Variants in PRKAG2 observed in about 807,000 individuals in gnomAD.
The protein encoded by PRKAG2 is 5'-AMP-activated protein kinase subunit gamma-2.
PRKAG2 carries 26 observed loss-of-function variants against 69.6 expected under a neutral mutation model. That is an observed-to-expected ratio of 0.37 (90% CI 0.27 to 0.52). PRKAG2 has a LOEUF of 0.52. PRKAG2 is among the 20% of genes least tolerant of loss of function. PRKAG2 has a pLI of 0.90. For missense variants in PRKAG2, 557 were observed against 740.0 expected (o/e 0.75, Z 2.87); for synonymous variants, 293 against 285.0 (o/e 1.03, Z -0.28).
intron 3 of PRKAG2, among the ~76,000 whole-genome samples, chr7:151,739,360 T>C (rs2073705653): frequency 6.6e-6 from 1 of 152,360 alleles, no homozygotes; most frequent in Non-Finnish European, 1.5e-5. Flanking sequence ...TTCTACCAAA[T>C]TGACTGAGTA....
At chr7:151,862,296 T>A (rs1413747042) in intron 1 of PRKAG2, among the ~76,000 whole-genome samples, 1 of 152,078 alleles carries the variant, frequency 6.6e-6, no homozygotes, top group South Asian at 2.1e-4. Context: ...AATCTGCCCC[T>A]TTTTTTTCTG....
chr7:151,708,903 G>A (rs1839068903), intron 3 of PRKAG2, among the ~76,000 whole-genome samples: 1 of 152,194 alleles, frequency 6.6e-6, no homozygotes, highest in Admixed American at 6.5e-5. Flanking sequence ...AGAGCTGAAA[G>A]GAAGCCACCA....
At chr7:151,757,060 G>A (rs2075137251) in intron 3 of PRKAG2, among the ~76,000 whole-genome samples, 1 of 152,124 alleles carries the variant, frequency 6.6e-6, no homozygotes, top group Non-Finnish European at 1.5e-5. Flanking sequence ...TAGGGACAAT[G>A]GCCCTATTGA....
intron 1 of PRKAG2, among the ~76,000 whole-genome samples, chr7:151,869,167 A>G (rs1012592171): frequency 6.6e-6 from 1 of 152,210 alleles, no homozygotes; most frequent in Non-Finnish European, 1.5e-5. Context: ...TGACATGTGA[A>G]AAGATGCAAT....
intron 14 of PRKAG2, 98 bp downstream of exon 14, chr7:151,563,980 G>A: frequency 1.3e-6 from 2 of 1,555,632 alleles, no homozygotes; most frequent in Non-Finnish European, 1.8e-6. Context: ...CTGCCTCGCT[G>A]GGCCCTTCCT....
intron 5 of PRKAG2, among the ~76,000 whole-genome samples, chr7:151,616,882 A>G (rs1820273239): frequency 6.6e-6 from 1 of 152,218 alleles, no homozygotes; most frequent in African/African-American, 2.4e-5. Context: ...AGCCTGAAAC[A>G]GCTGGAGTCT....
Position 151,780,594 on chromosome 7 carries a change from T to C in PRKAG2, c.466+558A>G, listed in dbSNP as rs2076615008. Among the ~76,000 whole-genome samples the C allele has an allele frequency of 6.6e-6, 1 of 152,216 alleles. No homozygotes were observed. The highest frequency in any genetic ancestry group is 1.5e-5 in the Non-Finnish European group (1 of 68,036). On this transcript the variant is annotated intron_variant, in intron 3 of 15. Transcript: ENST00000287878. The surrounding 1 kb of genome is among the most constrained non-coding windows in gnomAD (Gnocchi z 4.2). ...CTAATGAACCTACGGAACTCTTTCTTAAACACTCACATTTCCTCCTTCCAT... is the reference window on the plus strand; with the variant it reads ...CTAATGAACCTACGGAACTCTTTCTCAAACACTCACATTTCCTCCTTCCAT...
chr7:151,854,496 G>A (rs1163228178), intron 1 of PRKAG2, among the ~76,000 whole-genome samples: 1 of 152,234 alleles, frequency 6.6e-6, no homozygotes, highest in Admixed American at 6.5e-5. Flanking sequence ...ACAGGCACAG[G>A]GAGGCATTTG....
At chr7:151,646,668 T>C (rs1291989365) in intron 4 of PRKAG2, among the ~76,000 whole-genome samples, 2 of 152,228 alleles carry the variant, frequency 1.3e-5, no homozygotes, top group East Asian at 3.8e-4. Flanking sequence ...ATTTTAGCTA[T>C]GTGTTCAGTG....
chr7:151,763,870 C>T (rs2075577242), intron 3 of PRKAG2, among the ~76,000 whole-genome samples: 1 of 152,228 alleles, frequency 6.6e-6, no homozygotes, highest in African/African-American at 2.4e-5. Flanking sequence ...CTGACAGTGC[C>T]CTGAGCCCAG....
chr7:151,727,508 T>G (rs1003732113), intron 3 of PRKAG2, among the ~76,000 whole-genome samples: 2 of 152,148 alleles, frequency 1.3e-5, no homozygotes, highest in Non-Finnish European at 2.9e-5. Context: ...GCTAGGAAAC[T>G]GAGGCTGATC....
chr7:151,854,416 C>T (rs1002884831), intron 1 of PRKAG2, among the ~76,000 whole-genome samples: 1 of 152,246 alleles, frequency 6.6e-6, no homozygotes, highest in African/African-American at 2.4e-5. Flanking sequence ...CTCCTCCACG[C>T]CATCAGGGCT....
chr7:151,851,793 CCTTA>C (rs2079574337), intron 1 of PRKAG2, among the ~76,000 whole-genome samples: 1 of 152,116 alleles, frequency 6.6e-6, no homozygotes, highest in Admixed American at 6.6e-5. Flanking sequence ...GTCCAAAATG[CCTTA>C]CTCTGTATCA....
intron 3 of PRKAG2, among the ~76,000 whole-genome samples, chr7:151,774,845 C>G (rs1177248042): frequency 6.6e-6 from 1 of 152,150 alleles, no homozygotes; most frequent in Non-Finnish European, 1.5e-5. Flanking sequence ...CAGTGCTTAT[C>G]AAGCTCTGGT....
intron 1 of PRKAG2, among the ~76,000 whole-genome samples, chr7:151,845,753 G>T (rs73160048): frequency 0.42 from 63,655 of 151,748 alleles, 13,401 homozygotes; most frequent in Middle Eastern, 0.53. Flanking sequence ...CCAAAACACT[G>T]CGGGGGCGGG....
chr7:151,566,556 C>T (rs769761911), intron 11 of PRKAG2: 8 of 449,652 alleles, frequency 1.8e-5, no homozygotes, highest in Admixed American at 1.2e-4. Flanking sequence ...ATAAGGTCTA[C>T]GGTTTCAAAA....
chr7:151,834,768 G>A (rs886109826), intron 1 of PRKAG2, among the ~76,000 whole-genome samples: 6 of 152,234 alleles, frequency 3.9e-5, no homozygotes, highest in Admixed American at 3.9e-4. Context: ...CCCCATCGCT[G>A]TGGGTGAGTC....
intron 3 of PRKAG2, among the ~76,000 whole-genome samples, chr7:151,715,646 G>A (rs1266742648): frequency 1.3e-5 from 2 of 152,114 alleles, no homozygotes; most frequent in African/African-American, 2.4e-5. Flanking sequence ...GTGAGCCACC[G>A]TGCCTGGCCA....
Position 151,850,599 on chromosome 7 carries a change from C to T in PRKAG2, c.114+25908G>A, listed in dbSNP as rs921144130. 6.6e-6 allele frequency among the ~76,000 whole-genome samples: 1 copy of T among 152,172 alleles called. No homozygotes were observed. The highest frequency in any genetic ancestry group is 1.9e-4 in the East Asian group (1 of 5,158). The stretch of plus-strand genomic sequence containing the variant: ...AGCCTGGATTGGAACCCAGATGGAC[C>T]AATTCCAAAATCCTCAAGTTCTACA... On this transcript the variant is annotated intron_variant, in intron 1 of 15. Coordinates refer to ENST00000287878, the MANE Select transcript of PRKAG2 (RefSeq NM_016203.4). The surrounding 1 kb of genome is among the most constrained non-coding windows in gnomAD (Gnocchi z 4.1).
Sources: gnomAD v4.1 joint callset for allele counts (sites outside exome capture counted in the v4.1 genomes callset) on GRCh38, gnomAD v4.1.1 for gene constraint, Gnocchi (gnomAD v3.1) non-coding constraint, MANE v1.5 for transcripts, NCBI Gene and HGNC (gene_info 2026-07-23, HGNC 2026-07-21) for gene names.